The following ACSM1 variants were observed in gnomAD, a reference collection of about 807,000 sequenced individuals.
The protein encoded by ACSM1 is acyl-coenzyme A synthetase ACSM1, mitochondrial.
ACSM1 carries 79 observed loss-of-function variants against 75.8 expected under a neutral mutation model. The ratio of observed to expected loss-of-function variants is 1.04; its 90% CI spans 0.87 to 1.26. The LOEUF is 1.26. ACSM1 is among the 50% of genes most tolerant of loss of function. The pLI, the probability that ACSM1 is intolerant of heterozygous loss-of-function variation, is 0.00. For missense variants in ACSM1, 676 were observed against 720.1 expected (o/e 0.94, Z 0.70); for synonymous variants, 279 against 265.8 (o/e 1.05, Z -0.48).
intron 2 of ACSM1, among the ~76,000 whole-genome samples, chr16:20,690,304 C>T (rs1488220141): frequency 6.6e-6 from 1 of 152,182 alleles, no homozygotes; most frequent in Non-Finnish European, 1.5e-5. Context: ...GCTATAAATA[C>T]CATCCATTGT....
At chr16:20,637,012 C>A in intron 9 of ACSM1, 172 bp from the exon 10 acceptor site, 1 of 683,830 alleles carries the variant, frequency 1.5e-6, no homozygotes, top group Non-Finnish European at 2.6e-6. Context: ...ATGTGAAACT[C>A]AAGCCAAGGG....
At position 20,627,270 on chromosome 16, in the gene ACSM1, T is replaced by C. The variant is rs148084363; in HGVS notation, c.1346A>G (p.Asn449Ser). ...ATCCATCTTACCTCTGTCCCCAGTGTTGTAGAAGTCCCCACATTCCACTTT... is the reference window on the plus strand; with the variant it reads ...ATCCATCTTACCTCTGTCCCCAGTGCTGTAGAAGTCCCCACATTCCACTTT... The part of the protein sequence containing the change: ...TAKVECGDFY[N>S]TGDRGKMDEE... The change falls in exon 11 of 14, where the codon AAC (asparagine) becomes AGC (serine). Residue 449 changes from asparagine (N) to serine (S), a missense_variant. Transcript: ENST00000520010. The C allele has an allele frequency of 6.7e-4, 1,059 of 1,587,462 alleles. No individual in the cohort carries two copies. Among genetic ancestry groups the C allele is most frequent in the Non-Finnish European group, 8.5e-4 (997 of 1,169,032 alleles).
intron 7 of ACSM1, among the ~76,000 whole-genome samples, chr16:20,654,037 G>T (rs2018802369): frequency 6.6e-6 from 1 of 152,112 alleles, no homozygotes; most frequent in South Asian, 2.1e-4. Context: ...AAACAGCATG[G>T]TACTGTTACC....
chr16:20,659,694 C>G (rs1567281499), intron 7 of ACSM1, among the ~76,000 whole-genome samples: 1 of 152,168 alleles, frequency 6.6e-6, no homozygotes, highest in East Asian at 1.9e-4. Context: ...TTCCTTCCTT[C>G]CTTTCCATAT....
Position 20,658,604 on chromosome 16 carries a change from C to T in ACSM1, c.992+3190G>A, listed in dbSNP as rs74011811. On this transcript the variant is annotated intron_variant, in intron 7 of 13. Coordinates refer to ENST00000520010, the MANE Select transcript of ACSM1 (RefSeq NM_001318890.3). ...GGCAGTCCTGCCAAGGAAAAAATGA[C>T]GGTGCAGAATTATGACTTCTCCTGT... Among the ~76,000 whole-genome samples, 1,231 of 152,222 alleles carry T rather than the reference C, an allele frequency of 8.1e-3. 7 individuals are homozygous for T. The highest frequency in any genetic ancestry group is 0.018 in the African/African-American group (739 of 41,540).
chr16:20,630,592 C>T lies in ACSM1; in HGVS notation c.1300-3276G>A, dbSNP rs892725226. On this transcript the variant is annotated intron_variant, in intron 10 of 13. Coordinates refer to ENST00000520010, the MANE Select transcript of ACSM1 (RefSeq NM_001318890.3). ...GCAATAGTTGGAGAATTTAATATAC[C>T]ACTTTCAATAACGAGTAGAAAAACC... Among the ~76,000 whole-genome samples, 11 of 151,996 alleles carry T rather than the reference C, an allele frequency of 7.2e-5. 1 individual carries two copies. The highest frequency in any genetic ancestry group is 2.9e-5 in the Non-Finnish European group (2 of 68,000).
chr16:20,662,760 A>G (rs1401641197), intron 6 of ACSM1, among the ~76,000 whole-genome samples: 3 of 152,094 alleles, frequency 2.0e-5, no homozygotes, highest in African/African-American at 7.2e-5. Context: ...TTCAATCTCT[A>G]GCCTCTATCT....
In ACSM1 at chr16:20,646,210, G is replaced by C. The variant is rs183393888; in HGVS notation, c.993-5626C>G. The stretch of plus-strand genomic sequence containing the variant: ...AAGGAAAAGGCTGGGCAAATCAAAT[G>C]CCTAATAGGGCCTGCTTCCAGTGCA... On this transcript the variant is annotated intron_variant, in intron 7 of 13. Transcript: ENST00000520010. Among the ~76,000 whole-genome samples the C allele has an allele frequency of 6.1e-4, 93 of 152,290 alleles. 1 individual carries two copies. The highest frequency in any genetic ancestry group is 1.1e-3 in the Non-Finnish European group (72 of 68,028).
chr16:20,654,949 G>A lies in ACSM1; in HGVS notation c.992+6845C>T, dbSNP rs559866045. Among the ~76,000 whole-genome samples, 532 of 152,138 alleles carry A rather than the reference G, an allele frequency of 3.5e-3. 10 individuals carry two copies. The highest frequency in any genetic ancestry group is 0.032 in the Admixed American group (489 of 15,268). On this transcript the variant is annotated intron_variant, in intron 7 of 13. Transcript: ENST00000520010. The stretch of plus-strand genomic sequence containing the variant: ...TGCTGCTATAAAGACACATGCACAC[G>A]TATGTTTATTGTGGCACTATTCACA...
intron 7 of ACSM1, among the ~76,000 whole-genome samples, chr16:20,655,913 A>C (rs2018934501): frequency 6.6e-6 from 1 of 152,178 alleles, no homozygotes; most frequent in South Asian, 2.1e-4. Flanking sequence ...CGCACACCTC[A>C]GCCTCCCAAA....
chr16:20,682,872 A>C (rs876106), intron 3 of ACSM1, among the ~76,000 whole-genome samples: 18,356 of 151,974 alleles, frequency 0.12, 1,229 homozygotes, highest in East Asian at 0.21. Context: ...CCTTTCTGTC[A>C]TTCCTTGGAT....
intron 3 of ACSM1, among the ~76,000 whole-genome samples, chr16:20,683,075 T>C (rs2079478592): frequency 6.6e-6 from 1 of 152,078 alleles, no homozygotes; most frequent in Non-Finnish European, 1.5e-5. Context: ...CTTAGTTCCA[T>C]AAACATTGAC....
intron 4 of ACSM1, chr16:20,680,049 A>G (rs1427708365): frequency 6.6e-6 from 1 of 152,254 alleles, no homozygotes; most frequent in Non-Finnish European, 1.5e-5. Flanking sequence ...AAAGAACCAC[A>G]AATCGGATGC....
At chr16:20,651,808 G>A (rs1249765525) in intron 7 of ACSM1, among the ~76,000 whole-genome samples, 1 of 151,958 alleles carries the variant, frequency 6.6e-6, no homozygotes, top group African/African-American at 2.4e-5. Context: ...TTTTATTTTA[G>A]TAAGTATCTA....
chr16:20,624,746 G>C (rs559697175), intron 12 of ACSM1, among the ~76,000 whole-genome samples: 1 of 151,962 alleles, frequency 6.6e-6, no homozygotes, highest in South Asian at 2.1e-4. Context: ...CCAGACTGGC[G>C]TGCAGTGGTG....
intron 2 of ACSM1, among the ~76,000 whole-genome samples, chr16:20,687,289 A>G (rs1383001769): frequency 6.6e-6 from 1 of 152,188 alleles, no homozygotes. Flanking sequence ...GAAATACAAT[A>G]AAACATGTAA....
chr16:20,623,423 G>C lies in ACSM1; in HGVS notation c.*63C>G. Reference sequence around the variant, plus strand: ...GCCCCACCCTCGTCCTCACCATAGTGGGGAGACTAAAGTGGCCAGGGATTT... The same window carrying C: ...GCCCCACCCTCGTCCTCACCATAGTCGGGAGACTAAAGTGGCCAGGGATTT... On this transcript the variant is annotated 3_prime_UTR_variant, in exon 14 of 14. Coordinates refer to ENST00000520010, the MANE Select transcript of ACSM1 (RefSeq NM_001318890.3). 6.9e-7 allele frequency: 1 copy of C among 1,451,914 alleles called. No homozygotes were observed. The highest frequency in any genetic ancestry group is 1.7e-4 in the Middle Eastern group (1 of 5,736). The allele number at this position is 1,451,914 out of a possible 1,614,324, so 89.9% of individuals were successfully genotyped here.
At chr16:20,627,564 C>T (rs2017025634) in intron 10 of ACSM1, among the ~76,000 whole-genome samples, 1 of 152,112 alleles carries the variant, frequency 6.6e-6, no homozygotes, top group Non-Finnish European at 1.5e-5. Context: ...CGTGCGGTGG[C>T]TCACGCCTGT....
chr16:20,696,401 A>G (rs1381752471), intron 1 of ACSM1, among the ~76,000 whole-genome samples: 1 of 152,222 alleles, frequency 6.6e-6, no homozygotes, highest in Non-Finnish European at 1.5e-5. Context: ...GTAAGTGCTC[A>G]ACAAAAAGTT....
Sources: gnomAD v4.1 joint callset for allele counts (sites outside exome capture counted in the v4.1 genomes callset) on GRCh38, gnomAD v4.1.1 for gene constraint, MANE v1.5 for transcripts, NCBI Gene and HGNC (gene_info 2026-07-23, HGNC 2026-07-21) for gene names.